The following REC114 variants were observed in gnomAD, a reference collection of about 807,000 sequenced individuals.
REC114 encodes the protein REC114 meiotic recombination protein.
REC114 carries 27 observed loss-of-function variants against 31.3 expected under a neutral mutation model. That is an observed-to-expected ratio of 0.86 (90% CI 0.64 to 1.19). The LOEUF (loss-of-function observed/expected upper bound fraction) is 1.19. REC114 is among the 50% of genes most tolerant of loss of function. The pLI is 0.00. For synonymous variants in REC114, 134 were observed against 127.7 expected (o/e 1.05, Z -0.33); for missense variants, 344 against 326.9 (o/e 1.05, Z -0.40).
At chr15:73,509,191 G>A (rs1893727228) in intron 2 of REC114, among the ~76,000 whole-genome samples, 1 of 152,040 alleles carries the variant, frequency 6.6e-6, no homozygotes, top group Admixed American at 6.5e-5. Context: ...TTCTCTGATG[G>A]CCAGTGATGA....
chr15:73,547,279 A>G (rs2141333631), intron 3 of REC114, among the ~76,000 whole-genome samples: 1 of 152,340 alleles, frequency 6.6e-6, no homozygotes, highest in African/African-American at 2.4e-5. Context: ...AATGGTAAAC[A>G]GGTATATGAA....
chr15:73,480,469 C>T (rs989751777), intron 2 of REC114, among the ~76,000 whole-genome samples: 6 of 151,900 alleles, frequency 3.9e-5, no homozygotes, highest in African/African-American at 1.4e-4. Context: ...AATAAGAATA[C>T]ATATTTAAAA....
At chr15:73,451,905 C>T (rs1030999079) in intron 1 of REC114, among the ~76,000 whole-genome samples, 9 of 152,290 alleles carry the variant, frequency 5.9e-5, no homozygotes, top group Admixed American at 4.6e-4. Context: ...TCAATAGATG[C>T]AGAAAAGGCC....
At chr15:73,489,566 T>C (rs1156534228) in intron 2 of REC114, among the ~76,000 whole-genome samples, 2 of 151,900 alleles carry the variant, frequency 1.3e-5, no homozygotes, top group African/African-American at 2.4e-5. Flanking sequence ...TCATGACTTA[T>C]TATTTCTTAA....
Position 73,540,438 on chromosome 15 carries a change from T to C in REC114, c.250-47T>C, listed in dbSNP as rs375511283. ...GAAGTAGCTGCAGCCATAGCTATTCTTCATATTTTTGTTTCTGTTGCTAAT... is the reference window on the plus strand; with the variant it reads ...GAAGTAGCTGCAGCCATAGCTATTCCTCATATTTTTGTTTCTGTTGCTAAT... On this transcript the variant is annotated intron_variant, in intron 2 of 5. Transcript: ENST00000331090. The C allele has an allele frequency of 6.6e-5, 86 of 1,308,530 alleles. No individual in the cohort carries two copies. In the African/African-American group the frequency reaches 1.1e-3, roughly 16 times the overall value. 81.1% of individuals were successfully genotyped at this position (1,308,530 alleles called of 1,614,324 possible). A position where few individuals can be genotyped will look rare whatever the true frequency, so the allele number is the denominator to read the frequency against.
chr15:73,469,833 C>T (rs947294086), intron 1 of REC114, among the ~76,000 whole-genome samples: 11 of 151,760 alleles, frequency 7.2e-5, no homozygotes, highest in Non-Finnish European at 1.2e-4. Context: ...TACAGGTGCC[C>T]GCCACCATGC....
chr15:73,495,473 T>C (rs1244672393), intron 2 of REC114, among the ~76,000 whole-genome samples: 1 of 146,986 alleles, frequency 6.8e-6, no homozygotes, highest in Non-Finnish European at 1.5e-5. Context: ...AAAACATAAA[T>C]ACCACAGTCT....
chr15:73,539,224 T>C (rs997894180), intron 2 of REC114, among the ~76,000 whole-genome samples: 2 of 151,580 alleles, frequency 1.3e-5, no homozygotes, highest in African/African-American at 4.9e-5. Context: ...CTAACTTCTC[T>C]TTCCATTTGG....
intron 2 of REC114, among the ~76,000 whole-genome samples, chr15:73,519,930 T>C (rs1893912349): frequency 6.6e-6 from 1 of 152,120 alleles, no homozygotes; most frequent in Non-Finnish European, 1.5e-5. Flanking sequence ...GCGAAACTCA[T>C]AGAAACAGAG....
At chr15:73,545,438 T>A (rs1894295701) in intron 3 of REC114, among the ~76,000 whole-genome samples, 1 of 152,194 alleles carries the variant, frequency 6.6e-6, no homozygotes, top group Non-Finnish European at 1.5e-5. Flanking sequence ...AAGTTTTCCA[T>A]TATGGTAACC....
intron 2 of REC114, among the ~76,000 whole-genome samples, chr15:73,484,882 C>T (rs563406546): frequency 7.9e-4 from 120 of 152,270 alleles, no homozygotes; most frequent in African/African-American, 2.7e-3. Context: ...TTTTCACACC[C>T]GGCCCAAATG....
In REC114 at chr15:73,497,665, G is replaced by A. The variant is rs78614830; in HGVS notation, c.249+23744G>A. On this transcript the variant is annotated intron_variant, in intron 2 of 5. Coordinates refer to ENST00000331090, the MANE Select transcript of REC114 (RefSeq NM_001042367.2). ...TAAATAGATTTGTAAACTATAGAAT[G>A]TGATACATATAGTAATATTGTCATT... Among the ~76,000 whole-genome samples the A allele has an allele frequency of 5.0e-3, 754 of 152,314 alleles. 6 individuals carry two copies. The highest frequency in any genetic ancestry group is 0.017 in the African/African-American group (715 of 41,558).
chr15:73,495,254 T>C (rs1893503033), intron 2 of REC114, among the ~76,000 whole-genome samples: 1 of 152,160 alleles, frequency 6.6e-6, no homozygotes. Flanking sequence ...TCCTAGCATA[T>C]TGGAGTCAAA....
chr15:73,471,789 CA>C (rs1567857548), intron 1 of REC114, among the ~76,000 whole-genome samples: 1 of 151,480 alleles, frequency 6.6e-6, no homozygotes, highest in Non-Finnish European at 1.5e-5. Context: ...AACAAACAAA[CA>C]AACAAAAAAA....
intron 2 of REC114, among the ~76,000 whole-genome samples, chr15:73,518,026 C>T (rs540230633): frequency 3.7e-4 from 56 of 152,052 alleles, no homozygotes; most frequent in African/African-American, 1.1e-3. Flanking sequence ...TGAATATTGC[C>T]GATGCTGATA....
chr15:73,443,641 C>A (rs1413386609), intron 1 of REC114, among the ~76,000 whole-genome samples: 2 of 152,164 alleles, frequency 1.3e-5, no homozygotes, highest in Non-Finnish European at 2.9e-5. Flanking sequence ...ATTCAGGGTG[C>A]TAGGGATGGA....
intron 2 of REC114, among the ~76,000 whole-genome samples, chr15:73,493,758 GT>G (rs1466013353): frequency 6.6e-6 from 1 of 152,124 alleles, no homozygotes. Context: ...TAAGGAATCA[GT>G]TTTTTGCTAG....
intron 1 of REC114, among the ~76,000 whole-genome samples, chr15:73,451,723 G>A (rs930450773): frequency 3.3e-5 from 5 of 152,024 alleles, no homozygotes; most frequent in African/African-American, 9.7e-5. Flanking sequence ...ACATTGATGC[G>A]AAAATCCTCC....
intron 3 of REC114, among the ~76,000 whole-genome samples, chr15:73,544,567 T>C (rs1303194241): frequency 1.3e-5 from 2 of 152,148 alleles, no homozygotes; most frequent in East Asian, 3.9e-4. Flanking sequence ...GGGCTAACAA[T>C]AGACATATAA....
Sources: allele counts gnomAD v4.1 joint callset (sites outside exome capture counted in the v4.1 genomes callset), GRCh38; gene constraint gnomAD v4.1.1; transcripts MANE v1.5; gene names NCBI Gene and HGNC (gene_info 2026-07-23, HGNC 2026-07-21).